SDK1: variants seen among roughly 807,000 people sequenced by gnomAD.
SDK1 encodes sidekick cell adhesion molecule 1.
A neutral mutation model predicts 245.5 loss-of-function variants in SDK1; 157 were observed. That is an observed-to-expected ratio of 0.64 (90% CI 0.56 to 0.73). The LOEUF is 0.73. Among genes scored for constraint, SDK1 ranks in the 30% least tolerant of loss-of-function variants. SDK1 has a pLI of 0.00. For synonymous variants in SDK1, 1,647 were observed against 1,278.5 expected, an observed-to-expected ratio of 1.29 and a Z score of -6.15; for missense variants, 3,583 against 3,002.3, an observed-to-expected ratio of 1.19 and a Z score of -4.52.
At chr7:4,052,419 A>G (rs921962040) in intron 19 of SDK1, among the ~76,000 whole-genome samples, 4 of 152,188 alleles carry the variant, frequency 2.6e-5, no homozygotes, top group Non-Finnish European at 4.4e-5. Context: ...AGTTATTTGT[A>G]GCTGGAAAAA....
chr7:3,566,246 A>G (rs1238266670), intron 1 of SDK1, among the ~76,000 whole-genome samples: 2 of 126,282 alleles, frequency 1.6e-5, no homozygotes, highest in Admixed American at 1.8e-4. Flanking sequence ...TTTTTTTGAG[A>G]TGGAGTCTCG....
At position 4,267,869 on chromosome 7, in the gene SDK1, C is replaced by T. The variant is rs546060065; in HGVS notation, c.*2485C>T. ...TGTGCTTAGGACAGCGCCCATGCCT[C>T]GGAGGGACTCTGTCCCATGAGAACC... On this transcript the variant is annotated 3_prime_UTR_variant, in exon 45 of 45. Coordinates refer to ENST00000404826, the MANE Select transcript of SDK1 (RefSeq NM_152744.4). 7.1e-6 allele frequency: 7 copies of T among 985,406 alleles called. No individual in the cohort carries two copies. The highest frequency in any genetic ancestry group is 1.7e-5 in the African/African-American group (1 of 57,226). 61.0% of individuals were successfully genotyped at this position (985,406 alleles called of 1,614,324 possible). A position where few individuals can be genotyped will look rare whatever the true frequency, so the allele number is the denominator to read the frequency against.
rs138747996 is a variant in SDK1, at chr7:4,025,602, C to G, written c.2602+8250C>G. On this transcript the variant is annotated intron_variant, in intron 17 of 44. Coordinates refer to ENST00000404826, the MANE Select transcript of SDK1 (RefSeq NM_152744.4). ...CTGTCTTTCCTGCTAGCCTAGGAAC[C>G]CTGTGAGGGCAGGGGCTGTGTCTGA... Among the ~76,000 whole-genome samples, 534 of 152,300 alleles carry G rather than the reference C, an allele frequency of 3.5e-3. 13 individuals are homozygous for G. The highest frequency in any genetic ancestry group is 0.031 in the Admixed American group (474 of 15,296).
intron 4 of SDK1, among the ~76,000 whole-genome samples, chr7:3,701,622 A>G (rs1194885193): frequency 6.6e-6 from 1 of 152,198 alleles, no homozygotes; most frequent in East Asian, 1.9e-4. Flanking sequence ...AATATAAAAG[A>G]TTATTCTAAA....
chr7:4,221,648 G>A (rs1028994050), intron 40 of SDK1, among the ~76,000 whole-genome samples: 1 of 152,172 alleles, frequency 6.6e-6, no homozygotes, highest in African/African-American at 2.4e-5. Context: ...ACAGGTGAAT[G>A]AGAACTTAGG....
rs377280592 is a variant in SDK1, at chr7:3,652,381, C to T, written c.713+10276C>T. ...TGTGACCTGGACATGCACAGACAAGCCTGGGAAGGAGGGCCTGGAGTCATG... is the reference window on the plus strand; with the variant it reads ...TGTGACCTGGACATGCACAGACAAGTCTGGGAAGGAGGGCCTGGAGTCATG... On this transcript the variant is annotated intron_variant, in intron 4 of 44. Coordinates refer to ENST00000404826, the MANE Select transcript of SDK1 (RefSeq NM_152744.4). Among the ~76,000 whole-genome samples the T allele has an allele frequency of 2.0e-5, 3 of 152,150 alleles. No homozygotes were observed. In the East Asian group the frequency reaches 5.8e-4, roughly 29 times the overall value.
chr7:3,559,620 T>C (rs767672913), intron 1 of SDK1, among the ~76,000 whole-genome samples: 1 of 152,198 alleles, frequency 6.6e-6, no homozygotes, highest in Non-Finnish European at 1.5e-5. Context: ...TTTATCTGCC[T>C]GCAGCCCTGT....
In SDK1 at chr7:3,842,513, A is replaced by G. The variant is rs188810892; in HGVS notation, c.847+20930A>G. On this transcript the variant is annotated intron_variant, in intron 5 of 44. Coordinates refer to ENST00000404826, the MANE Select transcript of SDK1 (RefSeq NM_152744.4). Reference sequence around the variant, plus strand: ...TGTACTGGCATGGTGAATTGGTGCCAGTGACCACGAGGTGCCTGGGTTGCT... The same window carrying G: ...TGTACTGGCATGGTGAATTGGTGCCGGTGACCACGAGGTGCCTGGGTTGCT... Among the ~76,000 whole-genome samples the G allele has an allele frequency of 8.2e-4, 125 of 152,252 alleles. 2 individuals are homozygous for G. Among genetic ancestry groups the G allele is most frequent in the Middle Eastern group, 3.4e-3 (1 of 294 alleles).
At chr7:3,348,973 C>T (rs1416279929) in intron 1 of SDK1, among the ~76,000 whole-genome samples, 1 of 152,168 alleles carries the variant, frequency 6.6e-6, no homozygotes, top group Non-Finnish European at 1.5e-5. Flanking sequence ...GACTCTGTCC[C>T]TGGAGTGTGC....
At chr7:3,722,724 G>C (rs1313017071) in intron 4 of SDK1, among the ~76,000 whole-genome samples, 1 of 152,174 alleles carries the variant, frequency 6.6e-6, no homozygotes, top group African/African-American at 2.4e-5. Flanking sequence ...CCACCCCCTG[G>C]TGCAGAATCC....
intron 1 of SDK1, among the ~76,000 whole-genome samples, chr7:3,388,048 C>T (rs1232243331): frequency 6.6e-6 from 1 of 152,144 alleles, no homozygotes; most frequent in African/African-American, 2.4e-5. Flanking sequence ...TAATTTTATT[C>T]TATATTTATG....
chr7:3,631,123 AG>A (rs1372149286), intron 2 of SDK1, among the ~76,000 whole-genome samples: 2 of 152,124 alleles, frequency 1.3e-5, no homozygotes, highest in East Asian at 3.9e-4. Flanking sequence ...TAATACAGAC[AG>A]GGTTTCACCA....
chr7:3,329,549 T>G (rs1325089173), intron 1 of SDK1, among the ~76,000 whole-genome samples: 1 of 152,154 alleles, frequency 6.6e-6, no homozygotes, highest in Non-Finnish European at 1.5e-5. Flanking sequence ...CACCCTACCC[T>G]AGGGGAACCA....
intron 5 of SDK1, among the ~76,000 whole-genome samples, chr7:3,868,623 G>A (rs1239610599): frequency 6.6e-6 from 1 of 152,170 alleles, no homozygotes; most frequent in Non-Finnish European, 1.5e-5. Context: ...CCACAATAAT[G>A]TATTACTATT....
At chr7:3,607,491 A>G (rs1001030132) in intron 1 of SDK1, among the ~76,000 whole-genome samples, 3 of 152,222 alleles carry the variant, frequency 2.0e-5, no homozygotes, top group Non-Finnish European at 4.4e-5. Context: ...TTCCTTTTTC[A>G]AAATTCTCAT....
At chr7:3,574,071 C>T (rs1780205769) in intron 1 of SDK1, among the ~76,000 whole-genome samples, 1 of 151,394 alleles carries the variant, frequency 6.6e-6, no homozygotes, top group Non-Finnish European at 1.5e-5. Flanking sequence ...TAGACTTTGC[C>T]TCTGCAGCTA....
At chr7:3,442,867 T>G (rs746479412) in intron 1 of SDK1, among the ~76,000 whole-genome samples, 12 of 152,232 alleles carry the variant, frequency 7.9e-5, no homozygotes, top group Non-Finnish European at 1.6e-4. Context: ...CTCACTGTGT[T>G]CTGTCTCTTC....
chr7:3,395,431 T>G (rs943749052), intron 1 of SDK1, among the ~76,000 whole-genome samples: 9 of 151,964 alleles, frequency 5.9e-5, no homozygotes, highest in Non-Finnish European at 1.3e-4. Flanking sequence ...AGTTTTCCTT[T>G]CTGGTAATAA....
At chr7:4,067,007 A>G (rs1329169015) in intron 19 of SDK1, among the ~76,000 whole-genome samples, 1 of 152,210 alleles carries the variant, frequency 6.6e-6, no homozygotes, top group Non-Finnish European at 1.5e-5. Context: ...GTTCATCATC[A>G]TGACAGCGGC....
Sources: gnomAD v4.1 joint callset for allele counts (sites outside exome capture counted in the v4.1 genomes callset) on GRCh38, gnomAD v4.1.1 for gene constraint, MANE v1.5 for transcripts, NCBI Gene and HGNC (gene_info 2026-07-23, HGNC 2026-07-21) for gene names.